C1orf87: variants seen among roughly 807,000 people sequenced by gnomAD.
C1orf87 encodes uncharacterized protein C1orf87.
Under a neutral mutation model 60.5 loss-of-function variants are expected in C1orf87, and 58 were observed. That is an observed-to-expected ratio of 0.96 (90% confidence interval 0.78 to 1.19). The LOEUF is 1.19. Ranked by LOEUF, C1orf87 falls within the 50% of genes most tolerant of loss-of-function variation. C1orf87 has a pLI of 0.00. For missense variants in C1orf87, 673 were observed against 638.6 expected, an observed-to-expected ratio of 1.05 and a Z score of -0.58; for synonymous variants, 236 against 227.4, an observed-to-expected ratio of 1.04 and a Z score of -0.34.
At chr1:60,039,461 A>G (rs1645302243) in intron 5 of C1orf87, among the ~76,000 whole-genome samples, 1 of 152,180 alleles carries the variant, frequency 6.6e-6, no homozygotes, top group Admixed American at 6.5e-5. Context: ...CTCCTAAACA[A>G]GTTATTGGAC....
At chr1:60,041,262 G>C in intron 3 of C1orf87, 131 bp from the exon 4 acceptor site, 1 of 786,978 alleles carries the variant, frequency 1.3e-6, no homozygotes, top group Non-Finnish European at 1.9e-6. Context: ...ATGAACTTTA[G>C]CCCATGTATC....
chr1:60,012,666 T>C (rs1645096087), intron 8 of C1orf87, among the ~76,000 whole-genome samples: 1 of 152,120 alleles, frequency 6.6e-6, no homozygotes, highest in Non-Finnish European at 1.5e-5. Flanking sequence ...TCTGTGAGCC[T>C]GATTCTAGAT....
At chr1:60,064,910 A>G (rs1645531101) in intron 2 of C1orf87, among the ~76,000 whole-genome samples, 1 of 94,572 alleles carries the variant, frequency 1.1e-5, no homozygotes, top group South Asian at 3.0e-4. Context: ...TAAATATATA[A>G]TATTTTATAT....
chr1:60,071,152 G>T lies in C1orf87; in HGVS notation c.107+1385C>A, dbSNP rs549056114. Reference sequence around the variant, plus strand: ...TGTCCTAGGCATAGAATATAAAAGGGACATCAAACATTTCAGAGAAAGAGG... The same window carrying T: ...TGTCCTAGGCATAGAATATAAAAGGTACATCAAACATTTCAGAGAAAGAGG... On this transcript the variant is annotated intron_variant, in intron 2 of 11. Transcript: ENST00000371201. Among the ~76,000 whole-genome samples the T allele has an allele frequency of 3.0e-4, 45 of 152,192 alleles. No individual in the cohort carries two copies. In the South Asian group the frequency reaches 8.9e-3, roughly 30 times the overall value.
At chr1:60,022,308 T>G (rs116150846) in intron 8 of C1orf87, among the ~76,000 whole-genome samples, 1,937 of 151,978 alleles carry the variant, frequency 0.013, 54 homozygotes, top group African/African-American at 0.045. Context: ...AATGGTAGTG[T>G]GGATGGGTGT....
chr1:60,051,615 T>A (rs760618798), intron 3 of C1orf87, among the ~76,000 whole-genome samples: 1 of 152,166 alleles, frequency 6.6e-6, no homozygotes, highest in African/African-American at 2.4e-5. Context: ...TAAATGATTA[T>A]TGTTATAAAC....
chr1:60,055,808 G>T (rs1574325279), intron 2 of C1orf87, among the ~76,000 whole-genome samples: 1 of 152,030 alleles, frequency 6.6e-6, no homozygotes, highest in Non-Finnish European at 1.5e-5. Flanking sequence ...AAAACAGTTT[G>T]TCAGCTCCAG....
At position 60,008,792 on chromosome 1, in the gene C1orf87, G is replaced by A. The variant is rs192018476; in HGVS notation, c.1192+1600C>T. Reference sequence around the variant, plus strand: ...ATATGATGCTTTGTAAGAGATCCAAGTGCAGCCACCTTCTTAGAGCCTTAA... The same window carrying A: ...ATATGATGCTTTGTAAGAGATCCAAATGCAGCCACCTTCTTAGAGCCTTAA... On this transcript the variant is annotated intron_variant, in intron 9 of 11. Transcript: ENST00000371201. 6.5e-4 allele frequency: 278 copies of A among 430,198 alleles called. 1 individual carries two copies. Among genetic ancestry groups the A allele is most frequent in the Non-Finnish European group, 9.3e-5 (20 of 215,452 alleles). The allele number at this position is 430,198 out of a possible 1,614,324, so 26.6% of individuals were successfully genotyped here. A position where few individuals can be genotyped will look rare whatever the true frequency, so the allele number is the denominator to read the frequency against.
intron 9 of C1orf87, chr1:60,008,613 G>C (rs1645062128): frequency 4.6e-6 from 2 of 433,000 alleles, no homozygotes; most frequent in Non-Finnish European, 9.2e-6. Flanking sequence ...CACACACACA[G>C]AGGAAAGCCA....
intron 11 of C1orf87, among the ~76,000 whole-genome samples, chr1:59,994,796 G>C (rs1644952050): frequency 6.6e-6 from 1 of 152,108 alleles, no homozygotes; most frequent in Admixed American, 6.6e-5. Context: ...GAACATGCTG[G>C]CCTACATATT....
intron 2 of C1orf87, among the ~76,000 whole-genome samples, chr1:60,069,281 A>G (rs959820746): frequency 2.0e-5 from 3 of 152,182 alleles, no homozygotes; most frequent in Non-Finnish European, 4.4e-5. Flanking sequence ...GAGTCACCTG[A>G]AAATTCAGGT....
At chr1:60,068,341 C>A (rs1483596291) in intron 2 of C1orf87, among the ~76,000 whole-genome samples, 1 of 152,194 alleles carries the variant, frequency 6.6e-6, no homozygotes, top group East Asian at 1.9e-4. Context: ...TTGGTTTTAG[C>A]TTATTTCCCT....
At chr1:60,050,654 G>A (rs1431804339) in intron 3 of C1orf87, among the ~76,000 whole-genome samples, 3 of 151,618 alleles carry the variant, frequency 2.0e-5, no homozygotes, top group Non-Finnish European at 4.4e-5. Context: ...AATTGCATTG[G>A]CAAATATCTC....
chr1:60,049,424 A>G (rs1223593179), intron 3 of C1orf87, among the ~76,000 whole-genome samples: 1 of 152,044 alleles, frequency 6.6e-6, no homozygotes, highest in Non-Finnish European at 1.5e-5. Flanking sequence ...CTGTTCATGT[A>G]TTTTGCCCAT....
chr1:60,003,236 C>A (rs1174638614), intron 9 of C1orf87, among the ~76,000 whole-genome samples: 60 of 145,528 alleles, frequency 4.1e-4, no homozygotes, highest in Non-Finnish European at 7.3e-4. Context: ...AAACCAAACA[C>A]CGCATATTCT....
chr1:60,015,514 T>C (rs1645119024), intron 8 of C1orf87, among the ~76,000 whole-genome samples: 1 of 152,180 alleles, frequency 6.6e-6, no homozygotes, highest in Admixed American at 6.5e-5. Context: ...TTTCTCACAG[T>C]TCTGGAGGCT....
chr1:59,991,449 A>G (rs1170732625), intron 11 of C1orf87, among the ~76,000 whole-genome samples: 1 of 152,232 alleles, frequency 6.6e-6, no homozygotes, highest in African/African-American at 2.4e-5. Context: ...GATTACTTGT[A>G]ACACCTAATA....
At chr1:60,013,930 G>A (rs938717470) in intron 8 of C1orf87, among the ~76,000 whole-genome samples, 1 of 152,100 alleles carries the variant, frequency 6.6e-6, no homozygotes, top group Admixed American at 6.6e-5. Flanking sequence ...TATTGGTATA[G>A]TATGCCATAA....
chr1:60,028,778 C>T (rs1240488451), intron 7 of C1orf87, among the ~76,000 whole-genome samples: 1 of 151,766 alleles, frequency 6.6e-6, no homozygotes, highest in Non-Finnish European at 1.5e-5. Context: ...TATAGATGAT[C>T]TTGTTGCAGC....
Sources: gnomAD v4.1 joint callset for allele counts (sites outside exome capture counted in the v4.1 genomes callset) on GRCh38, gnomAD v4.1.1 for gene constraint, MANE v1.5 for transcripts, NCBI Gene and HGNC (gene_info 2026-07-23, HGNC 2026-07-21) for gene names.